Variants in ENTPD4 observed in about 807,000 individuals in gnomAD.
The protein encoded by ENTPD4 is Golgi UDPase.
In ENTPD4, 60 loss-of-function variants were observed where a neutral mutation model predicts 79.1. That is an observed-to-expected ratio of 0.76 (90% CI 0.62 to 0.94). The LOEUF is 0.94. ENTPD4 is among the 40% of genes least tolerant of loss of function. The pLI, the probability that ENTPD4 is intolerant of heterozygous loss-of-function variation, is 0.00. For synonymous variants in ENTPD4, 276 were observed against 292.0 expected (o/e 0.95, Z 0.56); for missense variants, 772 against 775.1 (o/e 1.00, Z 0.05).
rs1360983139 is a variant in ENTPD4 at position 23,432,799 on chromosome 8, G to A, written c.*127C>T. ...AGGCGTGAGCCACCGCGCTCGGCCT[G>A]CATTTTGTTTTTGTTTGGAGGAACA... On this transcript the variant is annotated 3_prime_UTR_variant, in exon 13 of 13. Coordinates refer to ENST00000358689, the MANE Select transcript of ENTPD4 (RefSeq NM_004901.5). 6.9e-7 allele frequency: 1 copy of A among 1,441,842 alleles called. No homozygotes were observed. The highest frequency in any genetic ancestry group is 9.1e-7 in the Non-Finnish European group (1 of 1,100,928). 89.3% of individuals were successfully genotyped at this position (1,441,842 alleles called of 1,614,324 possible). A position where few individuals can be genotyped will look rare whatever the true frequency, so the allele number is the denominator to read the frequency against.
At position 23,435,440 on chromosome 8, in the gene ENTPD4, C is replaced by T. The variant is rs777398169; in HGVS notation, c.1412G>A (p.Arg471His). ...CATKWSILRE[R>H]FDRGLYASHA... ...AGAGGCGTACAGTCCTCGGTCAAAGCGTTCCCGCAAAATGGACCACTTTGT... is the reference window on the plus strand; with the variant it reads ...AGAGGCGTACAGTCCTCGGTCAAAGTGTTCCCGCAAAATGGACCACTTTGT... Residue 471 changes from arginine (R) to histidine (H), a missense_variant, in exon 11 of 13, where the codon CGC becomes CAC. Coordinates refer to ENST00000358689, the MANE Select transcript of ENTPD4 (RefSeq NM_004901.5). 2.0e-5 allele frequency: 33 copies of T among 1,613,976 alleles called. No individual in the cohort carries two copies. Among genetic ancestry groups the T allele is most frequent in the Middle Eastern group, 3.3e-4 (2 of 6,078 alleles).
At chr8:23,442,127 A>G (rs1800682906) in intron 6 of ENTPD4, 61 bp from the exon 7 acceptor site, 1 of 1,193,546 alleles carries the variant, frequency 8.4e-7, no homozygotes, top group Non-Finnish European at 1.2e-6. Flanking sequence ...TGTAACTCCT[A>G]TCTGCGCAGT....
Position 23,444,060 on chromosome 8 carries a change from A to G in ENTPD4, c.564-107T>C, listed in dbSNP as rs1563225807. ...CAAAAAACAAAACCAGGGATCTGGT[A>G]TATCTTGTATGAAACAGTTAATTTT... On this transcript the variant is annotated intron_variant, in intron 5 of 12. Transcript: ENST00000358689. 7.4e-6 allele frequency: 5 copies of G among 676,698 alleles called. No homozygotes were observed. The East Asian group carries it at 1.1e-4, about 15-fold the overall frequency. 41.9% of individuals were successfully genotyped at this position (676,698 alleles called of 1,614,324 possible). A position where few individuals can be genotyped will look rare whatever the true frequency, so the allele number is the denominator to read the frequency against.
intron 4 of ENTPD4, among the ~76,000 whole-genome samples, chr8:23,447,161 TCACAC>T (rs1800776567): frequency 1.3e-5 from 2 of 152,226 alleles, no homozygotes; most frequent in African/African-American, 4.8e-5. Flanking sequence ...CTTTTACATG[TCACAC>T]TGGCTTAGAA....
chr8:23,441,741 T>C lies in ENTPD4; in HGVS notation c.728-18A>G, dbSNP rs1488896201. The stretch of plus-strand genomic sequence containing the variant: ...CTCATCATCTAGAAAGAACAGAAAG[T>C]GTTCACTGGAACAGAACTAATCCAG... On this transcript the variant is annotated intron_variant, in intron 7 of 12. Coordinates refer to ENST00000358689, the MANE Select transcript of ENTPD4 (RefSeq NM_004901.5). The C allele has an allele frequency of 1.2e-6, 2 of 1,612,760 alleles. No individual in the cohort carries two copies. The highest frequency in any genetic ancestry group is 2.2e-5 in the East Asian group (1 of 44,848).
rs1413986917 is a variant in ENTPD4 at position 23,442,154 on chromosome 8, C to G, written c.668-88G>C. The G allele has an allele frequency of 6.0e-6, 5 of 836,974 alleles. No homozygotes were observed. The African/African-American group carries it at 8.5e-5, about 14-fold the overall frequency. The allele number at this position is 836,974 out of a possible 1,614,324, so 51.8% of individuals were successfully genotyped here. On this transcript the variant is annotated intron_variant, in intron 6 of 12. Coordinates refer to ENST00000358689, the MANE Select transcript of ENTPD4 (RefSeq NM_004901.5). ...CTGCGCAGTCTGTGCAAACGTCTCA[C>G]TTATTTCACTCCCTGATAACCTGTA...
intron 6 of ENTPD4, 74 bp from the exon 7 acceptor site, chr8:23,442,140 G>A: frequency 3.0e-6 from 3 of 1,003,190 alleles, no homozygotes; most frequent in East Asian, 4.9e-5. Context: ...TGCGCAGTCT[G>A]TGCAAACGTC....
chr8:23,442,935 G>A lies in ENTPD4; in HGVS notation c.668-869C>T, dbSNP rs1462949043. Among the ~76,000 whole-genome samples the A allele has an allele frequency of 2.6e-5, 4 of 151,986 alleles. No individual in the cohort carries two copies. In the South Asian group the frequency reaches 6.2e-4, roughly 24 times the overall value. ...GAGCCAGCCAACTGTTAACATTCCC[G>A]CCACTCCTTCCAGAAGGGCCACCAC... On this transcript the variant is annotated intron_variant, in intron 6 of 12. Coordinates refer to ENST00000358689, the MANE Select transcript of ENTPD4 (RefSeq NM_004901.5).
At chr8:23,448,069 GATC>G (rs1310274220) in intron 3 of ENTPD4, among the ~76,000 whole-genome samples, 184 bp from the exon 4 acceptor site, 2 of 152,146 alleles carry the variant, frequency 1.3e-5, no homozygotes, top group African/African-American at 4.8e-5. Context: ...TGATGATAAA[GATC>G]ATCTAAATCA....
chr8:23,430,449 A>T lies in ENTPD4; in HGVS notation c.*2477T>A, dbSNP rs1800435155. The stretch of plus-strand genomic sequence containing the variant: ...CAAATGGAAACTACATTCCTGATTT[A>T]AGAGGATGCTTCTGTCTGTATCCTT... On this transcript the variant is annotated 3_prime_UTR_variant, in exon 13 of 13. Transcript: ENST00000358689. The T allele has an allele frequency of 2.0e-6, 2 of 985,474 alleles. No individual in the cohort carries two copies. Among genetic ancestry groups the T allele is most frequent in the Non-Finnish European group, 2.4e-6 (2 of 829,934 alleles). 61.0% of individuals were successfully genotyped at this position (985,474 alleles called of 1,614,324 possible). A position where few individuals can be genotyped will look rare whatever the true frequency, so the allele number is the denominator to read the frequency against.
At chr8:23,444,897 C>T (rs143892516) in intron 4 of ENTPD4, among the ~76,000 whole-genome samples, 1 of 152,292 alleles carries the variant, frequency 6.6e-6, no homozygotes, top group Non-Finnish European at 1.5e-5. Flanking sequence ...TCCCCCTCTC[C>T]TCAGGTGAGC....
At chr8:23,451,530 A>G (rs1439561560) in intron 1 of ENTPD4, among the ~76,000 whole-genome samples, 2 of 151,360 alleles carry the variant, frequency 1.3e-5, no homozygotes, top group African/African-American at 2.4e-5. Context: ...ATAGCTCCAC[A>G]CTCCCACCCC....
At chr8:23,438,335 A>G (rs1055712002) in intron 9 of ENTPD4, among the ~76,000 whole-genome samples, 1 of 152,236 alleles carries the variant, frequency 6.6e-6, no homozygotes, top group African/African-American at 2.4e-5. Context: ...CAAGTTGTGT[A>G]TTCCTCAGAT....
intron 8 of ENTPD4, 66 bp downstream of exon 8, chr8:23,441,503 A>C: frequency 6.3e-7 from 1 of 1,583,184 alleles, no homozygotes; most frequent in Non-Finnish European, 8.6e-7. Flanking sequence ...AAAACAAAAC[A>C]AGAACGATGG....
chr8:23,441,904 C>T (rs915313692), intron 7 of ENTPD4, 103 bp downstream of exon 7: 24 of 1,192,498 alleles, frequency 2.0e-5, no homozygotes, highest in East Asian at 9.4e-5. Context: ...TACTCCTACA[C>T]GCTTAGGAGT....
chr8:23,447,983 G>T, intron 3 of ENTPD4, 98 bp from the exon 4 acceptor site: 1 of 925,062 alleles, frequency 1.1e-6, no homozygotes, highest in Non-Finnish European at 1.8e-6. Flanking sequence ...TAATTTCTAA[G>T]CTATGTAGCA....
At chr8:23,433,415 C>T (rs539285128) in intron 12 of ENTPD4, among the ~76,000 whole-genome samples, 4 of 152,302 alleles carry the variant, frequency 2.6e-5, no homozygotes, top group Non-Finnish European at 4.4e-5. Flanking sequence ...GTGAAGGTTT[C>T]GCTGATACAA....
chr8:23,448,696 G>T, intron 3 of ENTPD4, 46 bp downstream of exon 3: 3 of 1,504,952 alleles, frequency 2.0e-6, no homozygotes, highest in Non-Finnish European at 2.8e-6. Flanking sequence ...AGGTAAGACA[G>T]AAGGTAAGGC....
rs202191826 is a variant in ENTPD4 at position 23,439,716 on chromosome 8, C to T, written c.1049+33G>A. 130 of 1,608,038 alleles carry T rather than the reference C, an allele frequency of 8.1e-5. No individual in the cohort carries two copies. In the African/African-American group the frequency reaches 1.3e-3, roughly 16 times the overall value. ...TTTTATGAGGAGAGACCTAGGTTTG[C>T]AAATGACTGCCAAGTAGTGAAAGGT... On this transcript the variant is annotated intron_variant, in intron 9 of 12. Coordinates refer to ENST00000358689, the MANE Select transcript of ENTPD4 (RefSeq NM_004901.5).
Sources: allele counts gnomAD v4.1 joint callset (sites outside exome capture counted in the v4.1 genomes callset), GRCh38; gene constraint gnomAD v4.1.1; transcripts MANE v1.5; gene names NCBI Gene and HGNC (gene_info 2026-07-23, HGNC 2026-07-21).